ALDH18A1: variants seen among roughly 807,000 people sequenced by gnomAD.
ALDH18A1 encodes the protein aldehyde dehydrogenase 18 family member A1, also known as delta-1-pyrroline-5-carboxylate synthase.
A neutral mutation model predicts 88.8 loss-of-function variants in ALDH18A1; 44 were observed. The observed-to-expected ratio is 0.50, with a 90% CI of 0.39 to 0.64. The LOEUF is 0.64. Ranked by LOEUF, ALDH18A1 falls within the 30% of genes least tolerant of loss-of-function variation. ALDH18A1 has a pLI of 0.00. For missense variants in ALDH18A1, 782 were observed against 1,009.5 expected (o/e 0.77, Z 3.05); for synonymous variants, 331 against 372.1 (o/e 0.89, Z 1.27).
chr10:95,631,328 A>G (rs1390843347), intron 7 of ALDH18A1, among the ~76,000 whole-genome samples: 5 of 152,162 alleles, frequency 3.3e-5, no homozygotes, highest in African/African-American at 7.2e-5. Flanking sequence ...CAAAGGAAAA[A>G]CAAAAACAAA....
chr10:95,610,344 CCT>C, intron 16 of ALDH18A1, 52 bp from the exon 17 acceptor site: 2 of 1,578,934 alleles, frequency 1.3e-6, no homozygotes, highest in Non-Finnish European at 1.7e-6. Context: ...AGAGAACATC[CCT>C]GTTTCCAGCC....
chr10:95,628,238 T>C (rs1273256985), intron 8 of ALDH18A1, 130 bp downstream of exon 8: 4 of 1,257,530 alleles, frequency 3.2e-6, no homozygotes, highest in African/African-American at 1.5e-5. Flanking sequence ...TATTTAGGTA[T>C]GTACATATTT....
In ALDH18A1 at chr10:95,643,034, T is replaced by C. The variant is rs118074064; in HGVS notation, c.261A>G (p.Glu87=). 2.5e-6 allele frequency: 4 copies of C among 1,613,974 alleles called. No homozygotes were observed. The South Asian group carries it at 3.3e-5, about 13-fold the overall frequency. Residue 87 remains glutamate, a synonymous_variant, in exon 3 of 18, where the codon GAA becomes GAG. Coordinates refer to ENST00000371224, the MANE Select transcript of ALDH18A1 (RefSeq NM_002860.4). ...LGSAVVTRGD[E]CGLALGRLAS... The stretch of plus-strand genomic sequence containing the variant: ...CCAAGCGCCCCAGGGCCAGGCCACA[T>C]TCATCCCCTCGGGTCACCACGGCAC...
At position 95,633,535 on chromosome 10, in the gene ALDH18A1, C is replaced by T. The variant is rs2097874694; in HGVS notation, c.673G>A (p.Val225Ile). Residue 225 changes from valine (V) to isoleucine (I), a missense_variant, in exon 6 of 18, where the codon GTT becomes ATT. Val to Ile is a conservative substitution (Grantham distance 29, BLOSUM62 3). Coordinates refer to ENST00000371224, the MANE Select transcript of ALDH18A1 (RefSeq NM_002860.4). ...IVPIVNTNDA[V>I]VPPAEPNSDL... is the part of the protein sequence containing the mutation. The stretch of plus-strand genomic sequence containing the variant: ...CTGTTGGGCTCAGCTGGGGGGACAA[C>T]AGCATCATTTGTGTTGACAATGGGG... 6.2e-7 allele frequency: 1 copy of T among 1,614,172 alleles called. No individual in the cohort carries two copies. Among genetic ancestry groups the T allele is most frequent in the Non-Finnish European group, 8.5e-7 (1 of 1,180,040 alleles).
At chr10:95,627,697 TGA>T (rs2097862437) in intron 8 of ALDH18A1, 111 bp from the exon 9 acceptor site, 1 of 1,294,726 alleles carries the variant, frequency 7.7e-7, no homozygotes, top group South Asian at 1.2e-5. Context: ...CTTAAGTATA[TGA>T]GAGAATGTTT....
At position 95,633,474 on chromosome 10, in the gene ALDH18A1, A is replaced by T; in HGVS notation, c.717+17T>A. The stretch of plus-strand genomic sequence containing the variant: ...AGTGTCTCCAGCATGCTAAACCCTT[A>T]GAAATACTTTACCCACATTTACCCC... On this transcript the variant is annotated intron_variant, in intron 6 of 17. Coordinates refer to ENST00000371224, the MANE Select transcript of ALDH18A1 (RefSeq NM_002860.4). 4.3e-6 allele frequency: 7 copies of T among 1,614,128 alleles called. No homozygotes were observed. Among genetic ancestry groups the T allele is most frequent in the Non-Finnish European group, 5.1e-6 (6 of 1,179,986 alleles).
Position 95,606,544 on chromosome 10 carries a change from A to C in ALDH18A1, c.*218T>G. ...CTTGGCAAAGTCCCTATCGGTAGCAACTATTTTCTTACTTTAAAAAAAAAG... is the reference window on the plus strand; with the variant it reads ...CTTGGCAAAGTCCCTATCGGTAGCACCTATTTTCTTACTTTAAAAAAAAAG... On this transcript the variant is annotated 3_prime_UTR_variant, in exon 18 of 18. Coordinates refer to ENST00000371224, the MANE Select transcript of ALDH18A1 (RefSeq NM_002860.4). 7.0e-7 allele frequency: 1 copy of C among 1,426,782 alleles called. No individual in the cohort carries two copies. The allele number at this position is 1,426,782 out of a possible 1,614,324, so 88.4% of individuals were successfully genotyped here. A position where few individuals can be genotyped will look rare whatever the true frequency, so the allele number is the denominator to read the frequency against.
chr10:95,637,967 A>AAACAAC (rs140422812), intron 3 of ALDH18A1, among the ~76,000 whole-genome samples: 2,252 of 150,298 alleles, frequency 0.015, 20 homozygotes, highest in Middle Eastern at 0.031. Context: ...GCTGTCTCAA[A>AAACAAC]AACAACAACA....
chr10:95,623,156 C>T (rs1295776028), intron 11 of ALDH18A1, among the ~76,000 whole-genome samples: 1 of 151,910 alleles, frequency 6.6e-6, no homozygotes, highest in African/African-American at 2.4e-5. Flanking sequence ...TTTACTTTTC[C>T]CCATATGCTA....
chr10:95,618,475 C>T (rs779053864), intron 12 of ALDH18A1, among the ~76,000 whole-genome samples: 21 of 152,234 alleles, frequency 1.4e-4, no homozygotes, highest in Non-Finnish European at 2.5e-4. Flanking sequence ...TCCCACCATG[C>T]CAACTAATTT....
At chr10:95,631,987 A>G (rs1033317574) in intron 7 of ALDH18A1, among the ~76,000 whole-genome samples, 10 of 152,222 alleles carry the variant, frequency 6.6e-5, no homozygotes, top group African/African-American at 2.4e-4. Flanking sequence ...ATGTCCATCA[A>G]TAGATGAACT....
In ALDH18A1 at chr10:95,626,763, C is replaced by T; in HGVS notation, c.1092G>A (p.Glu364=). ...SEVKPAGPTV[E]QQGEMARSGG... ...CAGATCGCGCCATTTCTCCCTGCTG[C>T]TCAACAGTAGGGCCTGCAAGAATAT... The change falls in exon 10 of 18, where the codon GAG becomes GAA. Residue 364 remains glutamate, a synonymous_variant. Transcript: ENST00000371224. 5 of 1,614,000 alleles carry T rather than the reference C, an allele frequency of 3.1e-6. No homozygotes were observed. Among genetic ancestry groups the T allele is most frequent in the Non-Finnish European group, 4.2e-6 (5 of 1,179,916 alleles).
chr10:95,621,316 G>GTT, intron 11 of ALDH18A1, 65 bp from the exon 12 acceptor site: 13 of 1,165,954 alleles, frequency 1.1e-5, no homozygotes, highest in Non-Finnish European at 1.6e-5. Context: ...ACCAACCGAT[G>GTT]TGTCTTTTTT....
At chr10:95,617,252 A>C (rs1484964507) in intron 12 of ALDH18A1, among the ~76,000 whole-genome samples, 5 of 152,232 alleles carry the variant, frequency 3.3e-5, no homozygotes, top group African/African-American at 1.2e-4. Flanking sequence ...GTCGCAAACA[A>C]ACAAATAAAG....
intron 5 of ALDH18A1, among the ~76,000 whole-genome samples, chr10:95,635,670 A>G (rs2097879274): frequency 6.6e-6 from 1 of 152,206 alleles, no homozygotes; most frequent in East Asian, 1.9e-4. Flanking sequence ...TGTGAGAGGA[A>G]AGAGCCCAGG....
intron 2 of ALDH18A1, among the ~76,000 whole-genome samples, chr10:95,650,896 G>A (rs1262726551): frequency 1.3e-5 from 2 of 152,182 alleles, no homozygotes; most frequent in Non-Finnish European, 2.9e-5. Flanking sequence ...GACTTTGGGA[G>A]GCTGAGGTGG....
At chr10:95,638,736 C>T (rs1275380168) in intron 3 of ALDH18A1, among the ~76,000 whole-genome samples, 2 of 152,100 alleles carry the variant, frequency 1.3e-5, no homozygotes, top group African/African-American at 4.8e-5. Flanking sequence ...CTTAAGCAGA[C>T]CTACATGAAA....
chr10:95,654,012 G>A (rs569909507), intron 1 of ALDH18A1, among the ~76,000 whole-genome samples: 86 of 152,244 alleles, frequency 5.6e-4, no homozygotes, highest in African/African-American at 1.9e-3. Context: ...AAGAGAATAT[G>A]GCTACAAATC....
In ALDH18A1 at chr10:95,637,074, T is replaced by C; in HGVS notation, c.558+19A>G. The C allele has an allele frequency of 1.9e-6, 3 of 1,612,630 alleles. No individual in the cohort carries two copies. Among genetic ancestry groups the C allele is most frequent in the Non-Finnish European group, 2.5e-6 (3 of 1,179,204 alleles). On this transcript the variant is annotated intron_variant, in intron 5 of 17. Transcript: ENST00000371224. ...CACCCTCACAGGTCCCACACCCATT[T>C]CAAAGCCCAGCCTCTCACCTGGGCA...
Sources: gnomAD v4.1 joint callset for allele counts (sites outside exome capture counted in the v4.1 genomes callset) on GRCh38, gnomAD v4.1.1 for gene constraint, MANE v1.5 for transcripts, NCBI Gene and HGNC (gene_info 2026-07-23, HGNC 2026-07-21) for gene names.